The following PAPPA2 variants were observed in gnomAD, a reference collection of about 807,000 sequenced individuals.
The protein encoded by PAPPA2 is pappalysin-2.
Under a neutral mutation model 176.4 loss-of-function variants are expected in PAPPA2, and 86 were observed. The observed-to-expected ratio is 0.49, with a 90% CI of 0.41 to 0.58. The LOEUF is 0.58. PAPPA2 is among the 20% of genes least tolerant of loss of function. The pLI, the probability that PAPPA2 is intolerant of heterozygous loss-of-function variation, is 0.00. For missense variants in PAPPA2, 2,073 were observed against 2,256.9 expected (o/e 0.92, Z 1.65); for synonymous variants, 809 against 852.2 (o/e 0.95, Z 0.88).
At chr1:176,679,782 GAAGTACATTAGCAGAAGTCATTAGCAA>G (rs1231872201) in intron 4 of PAPPA2, among the ~76,000 whole-genome samples, 82 of 152,330 alleles carry the variant, frequency 5.4e-4, no homozygotes, top group East Asian at 2.1e-3. Context: ...AAGTCAGAGA[GAAGTACATTAGCAGAAGTCATTAGCAA>G]AAGTAGAAAG....
chr1:176,527,967 G>T (rs1357525975), intron 1 of PAPPA2, among the ~76,000 whole-genome samples: 14 of 152,212 alleles, frequency 9.2e-5, no homozygotes, highest in African/African-American at 3.1e-4. Context: ...ATTTCAACTT[G>T]TCCTGGACTT....
rs145558963 is a variant in PAPPA2 at position 176,701,934 on chromosome 1, TAGAG to T, written c.3237-668_3237-665del. On this transcript the variant is annotated intron_variant, in intron 8 of 22. Transcript: ENST00000367662. ...CCACACAATCAGTGCACCCAGGATC[TAGAG>T]AGAGTCTGACAAGCTCCTTTCATCT... Among the ~76,000 whole-genome samples the T allele has an allele frequency of 6.3e-3, 965 of 152,308 alleles. 17 individuals are homozygous for T. Among genetic ancestry groups the T allele is most frequent in the African/African-American group, 0.022 (923 of 41,568 alleles).
At chr1:176,732,449 T>C (rs1219811361) in intron 12 of PAPPA2, among the ~76,000 whole-genome samples, 1 of 152,234 alleles carries the variant, frequency 6.6e-6, no homozygotes, top group Non-Finnish European at 1.5e-5. Context: ...TTGGATGATT[T>C]CTTTCGGATC....
At chr1:176,496,696 G>A (rs148432245) in intron 1 of PAPPA2, among the ~76,000 whole-genome samples, 1 of 152,280 alleles carries the variant, frequency 6.6e-6, no homozygotes, top group East Asian at 1.9e-4. Flanking sequence ...GATGAGCCAC[G>A]GGAATCTAGG....
chr1:176,634,950 G>A (rs939402253), intron 3 of PAPPA2, among the ~76,000 whole-genome samples: 4 of 120,344 alleles, frequency 3.3e-5, no homozygotes, highest in Non-Finnish European at 5.2e-5. Context: ...ATGATAGGTA[G>A]ATAGATAGAT....
chr1:176,568,282 TA>T (rs1357056139), intron 2 of PAPPA2, among the ~76,000 whole-genome samples: 1 of 152,224 alleles, frequency 6.6e-6, no homozygotes, highest in Admixed American at 6.5e-5. Flanking sequence ...TCAATCACTC[TA>T]AAAAAATCTA....
chr1:176,784,590 C>CTT (rs146840671), intron 17 of PAPPA2, among the ~76,000 whole-genome samples: 97 of 142,346 alleles, frequency 6.8e-4, no homozygotes, highest in African/African-American at 9.6e-4. Context: ...AGATGATTCT[C>CTT]TTTTTTTTTT....
intron 4 of PAPPA2, among the ~76,000 whole-genome samples, chr1:176,681,263 C>T (rs541431364): frequency 6.6e-6 from 1 of 152,252 alleles, no homozygotes; most frequent in Admixed American, 6.5e-5. Context: ...TTCTGGCTTG[C>T]CTGCCACATT....
chr1:176,615,192 A>G (rs1475257848), intron 3 of PAPPA2, among the ~76,000 whole-genome samples: 2 of 152,144 alleles, frequency 1.3e-5, no homozygotes, highest in African/African-American at 4.8e-5. Context: ...TTTTTTTCTC[A>G]GGCCCTCCCT....
chr1:176,585,943 A>G (rs1055242251), intron 2 of PAPPA2, among the ~76,000 whole-genome samples: 5 of 151,988 alleles, frequency 3.3e-5, no homozygotes, highest in African/African-American at 9.7e-5. Flanking sequence ...TCTCTTATCT[A>G]TCTCTTATAT....
Position 176,692,046 on chromosome 1 carries a change from A to G in PAPPA2, c.2432-80A>G, listed in dbSNP as rs947207478. 1.0e-5 allele frequency: 14 copies of G among 1,376,562 alleles called. No homozygotes were observed. The Admixed American group carries it at 2.4e-4, about 23-fold the overall frequency. 85.3% of individuals were successfully genotyped at this position (1,376,562 alleles called of 1,614,324 possible). ...TAATAAGTTAACTCAGCCATGAACA[A>G]GACACAAATTTATCCCTGCCTTGGT... On this transcript the variant is annotated intron_variant, in intron 5 of 22. Transcript: ENST00000367662.
Position 176,556,415 on chromosome 1 carries a change from G to A in PAPPA2, c.93G>A (p.Lys31=). Residue 31 remains lysine (K), a synonymous_variant, in exon 2 of 23, where the codon AAG becomes AAA. Transcript: ENST00000367662. ...ACTCTGAGCTGGGCTGGACACGCAA[G>A]AAATCCTTGGTTGAGAGGGAACACC... ...SANSELGWTR[K]KSLVEREHLN... The A allele has an allele frequency of 1.9e-6, 3 of 1,614,224 alleles. No individual in the cohort carries two copies. In the Middle Eastern group the frequency reaches 4.9e-4, roughly 266 times the overall value.
At chr1:176,677,579 A>C (rs1423413458) in intron 4 of PAPPA2, among the ~76,000 whole-genome samples, 2 of 152,198 alleles carry the variant, frequency 1.3e-5, no homozygotes, top group Non-Finnish European at 2.9e-5. Context: ...GCCTGAATTG[A>C]AAACATATCT....
intron 12 of PAPPA2, among the ~76,000 whole-genome samples, chr1:176,719,380 ATACTT>A (rs1661516555): frequency 6.6e-6 from 1 of 152,198 alleles, no homozygotes; most frequent in South Asian, 2.1e-4. Flanking sequence ...CTTACGAAGA[ATACTT>A]TAAACATTGT....
Position 176,502,040 on chromosome 1 carries a change from C to T in PAPPA2, c.-917+38622C>T, listed in dbSNP as rs549353620. Among the ~76,000 whole-genome samples, 4 of 152,218 alleles carry T rather than the reference C, an allele frequency of 2.6e-5. No individual in the cohort carries two copies. The East Asian group carries it at 7.7e-4, about 29-fold the overall frequency. ...TTCTGATGTAAGTTTTTTATTAAGC[C>T]TGGAATAGCTCTTAAGAAATAAGCA... On this transcript the variant is annotated intron_variant, in intron 1 of 22. Coordinates refer to ENST00000367662, the MANE Select transcript of PAPPA2 (RefSeq NM_020318.3).
intron 20 of PAPPA2, among the ~76,000 whole-genome samples, chr1:176,796,605 CTTTTCTTTTCT>C (rs965009800): frequency 2.7e-5 from 1 of 37,328 alleles, no homozygotes; most frequent in Non-Finnish European, 4.5e-5. Flanking sequence ...TCTTTCTTTT[CTTTTCTTTTCT>C]TTTCTTTCTT....
intron 17 of PAPPA2, among the ~76,000 whole-genome samples, chr1:176,773,952 C>T (rs750849941): frequency 8.5e-5 from 13 of 152,238 alleles, no homozygotes; most frequent in Middle Eastern, 3.4e-3. Flanking sequence ...CCTGCATGCT[C>T]TATGCCAGTC....
At chr1:176,736,085 C>A (rs1662398395) in intron 12 of PAPPA2, among the ~76,000 whole-genome samples, 1 of 152,024 alleles carries the variant, frequency 6.6e-6, no homozygotes, top group South Asian at 2.1e-4. Flanking sequence ...TATGGGGCAT[C>A]AATGATGCAC....
intron 1 of PAPPA2, among the ~76,000 whole-genome samples, chr1:176,482,889 T>C (rs879754396): frequency 6.6e-6 from 1 of 152,190 alleles, no homozygotes; most frequent in Non-Finnish European, 1.5e-5. Context: ...TCACATGCCC[T>C]GCTCTGGGTT....
Sources: gnomAD v4.1 joint callset for allele counts (sites outside exome capture counted in the v4.1 genomes callset) on GRCh38, gnomAD v4.1.1 for gene constraint, MANE v1.5 for transcripts, NCBI Gene and HGNC (gene_info 2026-07-23, HGNC 2026-07-21) for gene names.